The following EIF2S3 variants were observed in gnomAD, a reference collection of about 807,000 sequenced individuals.
EIF2S3 encodes the protein eukaryotic translation initiation factor 2 subunit gamma, also known as eukaryotic translation initiation factor 2 subunit 3.
In EIF2S3, 2 loss-of-function variants were observed where a neutral mutation model predicts 31.7. That is an observed-to-expected ratio of 0.06 (90% CI 0.03 to 0.20). The LOEUF (loss-of-function observed/expected upper bound fraction) is 0.20, where lower values mean the gene tolerates loss of function less well. Among genes scored for constraint, EIF2S3 ranks in the 10% least tolerant of loss-of-function variants. The pLI, the probability that EIF2S3 is intolerant of heterozygous loss-of-function variation, is 1.00. For missense variants in EIF2S3, 96 were observed against 359.3 expected (o/e 0.27, Z 5.92); for synonymous variants, 120 against 126.7 (o/e 0.95, Z 0.36).
At chrX:24,074,484 A>G (rs1930719597) in intron 11 of EIF2S3, among the ~76,000 whole-genome samples, 1 of 111,674 alleles carries the variant, frequency 9.0e-6, no homozygotes, top group Admixed American at 9.6e-5. Context: ...AGCAATCTGT[A>G]GGGAGATCTT....
rs1280577027 is a variant in EIF2S3 at position 24,055,685 on chromosome X, G to A, written c.133+7G>A. 8.3e-7 allele frequency: 1 copy of A among 1,207,367 alleles called. No individual in the cohort carries two copies. The highest frequency in any genetic ancestry group is 1.1e-6 in the Non-Finnish European group (1 of 892,784). Reference sequence around the variant, plus strand: ...CAAGCCACAATTAACATAGGTAAGAGTAACTTAAGAGACCTAACCTTGGTC... The same window carrying A: ...CAAGCCACAATTAACATAGGTAAGAATAACTTAAGAGACCTAACCTTGGTC... On this transcript the variant is annotated splice_region_variant and intron_variant, in intron 2 of 11. Transcript: ENST00000253039.
intron 10 of EIF2S3, 84 bp from the exon 11 acceptor site, chrX:24,073,007 A>G (rs761581352): frequency 2.0e-6 from 2 of 1,017,600 alleles, no homozygotes; most frequent in South Asian, 2.3e-5. Flanking sequence ...CATATTTCCC[A>G]ATAGTATTTG....
intron 9 of EIF2S3, 107 bp downstream of exon 9, chrX:24,068,215 T>A: frequency 1.2e-6 from 1 of 801,220 alleles, no homozygotes. Context: ...TTGGGTATTT[T>A]AATAATAGAG....
At chrX:24,064,924 GTT>G (rs1930548935) in intron 7 of EIF2S3, among the ~76,000 whole-genome samples, 1 of 112,054 alleles carries the variant, frequency 8.9e-6, no homozygotes, top group Non-Finnish European at 1.9e-5. Flanking sequence ...GAATCATAAT[GTT>G]TTAGGGTGTT....
intron 1 of EIF2S3, among the ~76,000 whole-genome samples, chrX:24,055,268 G>T (rs936805456): frequency 1.8e-5 from 2 of 111,803 alleles, no homozygotes; most frequent in African/African-American, 6.5e-5. Context: ...TGGAGGGTTC[G>T]GCTGGAAAGT....
At chrX:24,060,940 CT>C (rs1288815961) in intron 5 of EIF2S3, among the ~76,000 whole-genome samples, 1 of 46,821 alleles carries the variant, frequency 2.1e-5, no homozygotes, top group Non-Finnish European at 3.5e-5. Context: ...AAGAGTAAAA[CT>C]ACATCTCAAA....
chrX:24,060,821 T>C (rs150993058), intron 5 of EIF2S3, among the ~76,000 whole-genome samples: 1,972 of 104,163 alleles, frequency 0.019, 50 homozygotes, highest in African/African-American at 0.067. Flanking sequence ...ATTAGCCGGG[T>C]GTGGTGGCGC....
intron 2 of EIF2S3, among the ~76,000 whole-genome samples, chrX:24,057,094 G>A (rs749350739): frequency 8.9e-6 from 1 of 112,488 alleles, no homozygotes; most frequent in South Asian, 3.6e-4. Context: ...GCAGTGGCAC[G>A]ATCTCGGCTC....
chrX:24,070,439 G>GTTTTTTTTT (rs768908773), intron 9 of EIF2S3, among the ~76,000 whole-genome samples: 1 of 50,977 alleles, frequency 2.0e-5, no homozygotes, highest in Non-Finnish European at 3.2e-5. Context: ...ATCATATGTA[G>GTTTTTTTTT]TTTTTTTTTT....
At chrX:24,072,571 A>G (rs752878519) in intron 10 of EIF2S3, among the ~76,000 whole-genome samples, 18 of 112,047 alleles carry the variant, frequency 1.6e-4, no homozygotes, top group Admixed American at 1.3e-3. Flanking sequence ...GGTGTGATCC[A>G]CTGCGCCCAG....
chrX:24,066,413 A>T (rs1930573995), intron 8 of EIF2S3, among the ~76,000 whole-genome samples: 2 of 110,924 alleles, frequency 1.8e-5, no homozygotes, highest in Admixed American at 2.0e-4. Flanking sequence ...TATTTTACTT[A>T]ACAAAATGGC....
At chrX:24,062,603 A>G (rs1208612302) in intron 6 of EIF2S3, 29 bp downstream of exon 6, 6 of 1,192,296 alleles carry the variant, frequency 5.0e-6, no homozygotes, top group East Asian at 3.0e-5. Context: ...AAATAAATCT[A>G]TGAATCACTT....
chrX:24,066,211 T>A, intron 8 of EIF2S3, 119 bp downstream of exon 8: 4 of 497,169 alleles, frequency 8.0e-6, no homozygotes, highest in South Asian at 5.8e-5. Context: ...AAAAATAAAA[T>A]TTTTTCCATG....
intron 9 of EIF2S3, among the ~76,000 whole-genome samples, chrX:24,070,778 G>C (rs1241394443): frequency 9.0e-6 from 1 of 111,522 alleles, no homozygotes; most frequent in Non-Finnish European, 1.9e-5. Context: ...GTCTTTCAGG[G>C]GAGAAATGGC....
chrX:24,070,501 C>T (rs1470686957), intron 9 of EIF2S3, among the ~76,000 whole-genome samples: 1 of 78,933 alleles, frequency 1.3e-5, no homozygotes, highest in Non-Finnish European at 2.3e-5. Context: ...AGTGCAGTGG[C>T]ACGATCTCGG....
chrX:24,067,836 C>A (rs1930602381), intron 8 of EIF2S3, 128 bp from the exon 9 acceptor site: 3 of 739,928 alleles, frequency 4.1e-6, no homozygotes, highest in Non-Finnish European at 5.8e-6. Flanking sequence ...GATCCACCCG[C>A]CTCGGCCTCC....
chrX:24,078,321 C>T lies in EIF2S3; in HGVS notation c.*1536C>T, dbSNP rs1930789175. ...GATTACAGGCGTGAGCCACTCTGCC[C>T]GGCTTATTTTTCTTTATGTTTTTGC... On this transcript the variant is annotated 3_prime_UTR_variant, in exon 12 of 12. Coordinates refer to ENST00000253039, the MANE Select transcript of EIF2S3 (RefSeq NM_001415.4). Among the ~76,000 whole-genome samples the T allele has an allele frequency of 9.0e-6, 1 of 110,771 alleles. No individual in the cohort carries two copies. Among genetic ancestry groups the T allele is most frequent in the South Asian group, 3.8e-4 (1 of 2,651 alleles).
At chrX:24,064,589 G>T (rs1712711687) in intron 7 of EIF2S3, among the ~76,000 whole-genome samples, 1 of 112,100 alleles carries the variant, frequency 8.9e-6, no homozygotes, top group Non-Finnish European at 1.9e-5. Context: ...ATACTTTGGG[G>T]GGCCGAGGTG....
Position 24,062,599 on chromosome X carries a change from ATC to A in EIF2S3, c.637+27_637+28del, listed in dbSNP as rs1569278636. 5 of 1,195,967 alleles carry A rather than the reference ATC, an allele frequency of 4.2e-6. No homozygotes were observed. In the South Asian group the frequency reaches 9.1e-5, roughly 22 times the overall value. On this transcript the variant is annotated intron_variant, in intron 6 of 11. Transcript: ENST00000253039. The stretch of plus-strand genomic sequence containing the variant: ...GGTAAGAAGCCATAATATGAAATAA[ATC>A]TATGAATCACTTTGAGAGGCATTTA...
Sources: allele counts gnomAD v4.1 joint callset (sites outside exome capture counted in the v4.1 genomes callset), GRCh38; gene constraint gnomAD v4.1.1; transcripts MANE v1.5; gene names NCBI Gene and HGNC (gene_info 2026-07-23, HGNC 2026-07-21).